NRXN3: variants seen among roughly 807,000 people sequenced by gnomAD.
NRXN3 encodes neurexin 3, also known as neurexin III.
NRXN3 carries 32 observed loss-of-function variants against 137.6 expected under a neutral mutation model. The observed-to-expected ratio is 0.23, with a 90% CI of 0.18 to 0.31. The LOEUF is 0.31. Ranked by LOEUF, NRXN3 falls within the 10% of genes least tolerant of loss-of-function variation. NRXN3 has a pLI of 1.00. For missense variants in NRXN3, 1,574 were observed against 2,062.5 expected (o/e 0.76, Z 4.59); for synonymous variants, 798 against 784.5 (o/e 1.02, Z -0.29).
intron 11 of NRXN3, among the ~76,000 whole-genome samples, chr14:78,963,526 C>T (rs1159829455): frequency 6.6e-6 from 1 of 152,124 alleles, no homozygotes; most frequent in Admixed American, 6.5e-5. Flanking sequence ...ATGTTTCTTT[C>T]AGTCACTTTA....
At position 79,697,567 on chromosome 14, in the gene NRXN3, C is replaced by G. The variant is rs1338887247; in HGVS notation, c.3707-63C>G. On this transcript the variant is annotated intron_variant, in intron 18 of 20. Transcript: ENST00000335750. ...TGTTATGATGCCTGGTCCATTCAGA[C>G]CAGGTAAGGCAAACAAGGAAAACGT... 1.9e-6 allele frequency: 3 copies of G among 1,544,276 alleles called. No individual in the cohort carries two copies. The African/African-American group carries it at 4.1e-5, about 21-fold the overall frequency.
At chr14:79,621,322 G>A (rs221498) in intron 16 of NRXN3, among the ~76,000 whole-genome samples, 40,420 of 152,068 alleles carry the variant, frequency 0.27, 6,089 homozygotes, top group African/African-American at 0.41. Context: ...ATTTCAAAGA[G>A]GTAAGTGTCA....
chr14:79,731,475 A>ATTCC (rs1405979057), intron 19 of NRXN3, among the ~76,000 whole-genome samples: 1 of 152,212 alleles, frequency 6.6e-6, no homozygotes, highest in Non-Finnish European at 1.5e-5. Context: ...TTTAACATTC[A>ATTCC]TTCCTTCCAG....
chr14:78,777,794 G>A lies in NRXN3; in HGVS notation c.2045-25826G>A, dbSNP rs747307667. Among the ~76,000 whole-genome samples the A allele has an allele frequency of 1.3e-4, 20 of 152,188 alleles. 1 individual carries two copies. Among genetic ancestry groups the A allele is most frequent in the South Asian group, 4.2e-4 (2 of 4,804 alleles). Reference sequence around the variant, plus strand: ...AAATTTATTTTTGAGACAGAGTCTCGTTCTGTCACCCAGGCTGGAGTGCAG... The same window carrying A: ...AAATTTATTTTTGAGACAGAGTCTCATTCTGTCACCCAGGCTGGAGTGCAG... On this transcript the variant is annotated intron_variant, in intron 8 of 20. Coordinates refer to ENST00000335750, the MANE Select transcript of NRXN3 (RefSeq NM_001330195.2).
intron 15 of NRXN3, among the ~76,000 whole-genome samples, chr14:79,231,234 G>A (rs369399804): frequency 7.0e-4 from 106 of 152,148 alleles, no homozygotes; most frequent in Middle Eastern, 3.4e-3. Context: ...TTACCCTGAG[G>A]CTAAAGAGAG....
chr14:79,065,261 A>G (rs1265768173), intron 15 of NRXN3, among the ~76,000 whole-genome samples: 1 of 151,998 alleles, frequency 6.6e-6, no homozygotes, highest in Non-Finnish European at 1.5e-5. Flanking sequence ...ATAACATTTG[A>G]TTTAGATTCT....
intron 2 of NRXN3, among the ~76,000 whole-genome samples, chr14:78,245,570 C>A (rs1040587341): frequency 6.6e-6 from 1 of 152,182 alleles, no homozygotes. Context: ...CAGAACATCC[C>A]AACCCCTAAA....
chr14:79,202,884 C>T (rs540873937), intron 15 of NRXN3, among the ~76,000 whole-genome samples: 13 of 152,158 alleles, frequency 8.5e-5, no homozygotes, highest in South Asian at 4.2e-4. Flanking sequence ...TCTTTTGCTC[C>T]GGGTAGATAC....
chr14:79,748,484 C>T (rs2098986533), intron 19 of NRXN3, among the ~76,000 whole-genome samples: 1 of 152,094 alleles, frequency 6.6e-6, no homozygotes, highest in Admixed American at 6.6e-5. Flanking sequence ...CAGATACTCA[C>T]CTCCATCCTT....
chr14:78,335,013 A>G (rs214002), intron 4 of NRXN3, among the ~76,000 whole-genome samples: 59,908 of 151,844 alleles, frequency 0.39, 12,485 homozygotes, highest in Non-Finnish European at 0.45. Flanking sequence ...TACAGGGGAT[A>G]CCCCTCACTT....
chr14:79,048,475 C>G (rs1265150057), intron 15 of NRXN3, among the ~76,000 whole-genome samples: 1 of 152,088 alleles, frequency 6.6e-6, no homozygotes, highest in African/African-American at 2.4e-5. Flanking sequence ...AGCTTTATTT[C>G]CCAGTGCATA....
At chr14:78,686,897 CA>C (rs1324735383) in intron 6 of NRXN3, among the ~76,000 whole-genome samples, 2 of 152,060 alleles carry the variant, frequency 1.3e-5, no homozygotes, top group African/African-American at 4.8e-5. Context: ...ACAATAGTAA[CA>C]ACATGAGGGG....
At chr14:79,442,968 G>A (rs981916046) in intron 15 of NRXN3, among the ~76,000 whole-genome samples, 18 of 152,292 alleles carry the variant, frequency 1.2e-4, no homozygotes, top group South Asian at 6.2e-4. Flanking sequence ...ATGAGCCGGC[G>A]AGGCCAAAAG....
intron 8 of NRXN3, among the ~76,000 whole-genome samples, chr14:78,767,134 C>A (rs1595666937): frequency 2.0e-5 from 3 of 152,282 alleles, no homozygotes; most frequent in South Asian, 4.1e-4. Flanking sequence ...CAATCAAGCA[C>A]AGGGTTGTGA....
chr14:78,813,633 G>T (rs573529337), intron 10 of NRXN3, among the ~76,000 whole-genome samples: 1 of 152,152 alleles, frequency 6.6e-6, no homozygotes, highest in South Asian at 2.1e-4. Flanking sequence ...AAAGTCACTT[G>T]GGTAAAATAC....
chr14:79,696,930 T>C (rs2098737677), intron 18 of NRXN3, among the ~76,000 whole-genome samples: 1 of 151,960 alleles, frequency 6.6e-6, no homozygotes, highest in South Asian at 2.1e-4. Flanking sequence ...ATAATTTAGT[T>C]GTGGGACCAT....
chr14:79,351,318 T>C (rs2093196567), intron 15 of NRXN3, among the ~76,000 whole-genome samples: 1 of 152,208 alleles, frequency 6.6e-6, no homozygotes, highest in African/African-American at 2.4e-5. Flanking sequence ...GAATGTATAA[T>C]CTTGGACAAA....
chr14:78,341,341 C>G (rs939357580), intron 4 of NRXN3, among the ~76,000 whole-genome samples: 1 of 152,136 alleles, frequency 6.6e-6, no homozygotes. Context: ...CCCTTTCTAA[C>G]AAGCTCCCAG....
At chr14:79,110,198 A>G (rs2053218938) in intron 15 of NRXN3, among the ~76,000 whole-genome samples, 1 of 152,208 alleles carries the variant, frequency 6.6e-6, no homozygotes. Context: ...ATATAAAAGC[A>G]TGCATTTTCG....
Sources: allele counts gnomAD v4.1 joint callset (sites outside exome capture counted in the v4.1 genomes callset), GRCh38; gene constraint gnomAD v4.1.1; transcripts MANE v1.5; gene names NCBI Gene and HGNC (gene_info 2026-07-23, HGNC 2026-07-21).